Variants in ZMAT4 observed in about 807,000 individuals in gnomAD.
ZMAT4 encodes the protein zinc finger matrin-type 4.
A neutral mutation model predicts 28.7 loss-of-function variants in ZMAT4; 17 were observed. The observed-to-expected ratio is 0.59, with a 90% CI of 0.41 to 0.89. The LOEUF is 0.89. Ranked by LOEUF, ZMAT4 falls within the 40% of genes least tolerant of loss-of-function variation. ZMAT4 has a pLI of 0.00. For synonymous variants in ZMAT4, 117 were observed against 109.2 expected (o/e 1.07, Z -0.44); for missense variants, 240 against 283.8 (o/e 0.85, Z 1.11).
At chr8:40,848,387 AAGGATTCTACCAAC>A (rs1816983530) in intron 1 of ZMAT4, among the ~76,000 whole-genome samples, 1 of 152,194 alleles carries the variant, frequency 6.6e-6, no homozygotes, top group Non-Finnish European at 1.5e-5. Context: ...TGTTTGAATT[AAGGATTCTACCAAC>A]ACCATCACTG....
At chr8:40,560,316 A>ATTT (rs1447626265) in intron 6 of ZMAT4, among the ~76,000 whole-genome samples, 1 of 151,996 alleles carries the variant, frequency 6.6e-6, no homozygotes, top group Non-Finnish European at 1.5e-5. Flanking sequence ...TCTATTTTCC[A>ATTT]TTAAAGCTCT....
intron 5 of ZMAT4, among the ~76,000 whole-genome samples, chr8:40,658,619 T>TACACACAC (rs3038825): frequency 0.027 from 3,877 of 145,430 alleles, 103 homozygotes; most frequent in African/African-American, 0.068. Flanking sequence ...GTTAGACACA[T>TACACACAC]ACACACACAC....
intron 1 of ZMAT4, among the ~76,000 whole-genome samples, chr8:40,867,034 T>C (rs1817696770): frequency 6.6e-6 from 1 of 152,182 alleles, no homozygotes; most frequent in Non-Finnish European, 1.5e-5. Flanking sequence ...AACTTCAAAA[T>C]GTATCCATCT....
At chr8:40,611,578 G>GATCC (rs1367182225) in intron 5 of ZMAT4, among the ~76,000 whole-genome samples, 3 of 152,180 alleles carry the variant, frequency 2.0e-5, no homozygotes, top group African/African-American at 7.2e-5. Context: ...CTGACCTGGT[G>GATCC]ATCCACCCAC....
chr8:40,865,927 G>A (rs933802493), intron 1 of ZMAT4, among the ~76,000 whole-genome samples: 1 of 152,194 alleles, frequency 6.6e-6, no homozygotes, highest in Non-Finnish European at 1.5e-5. Flanking sequence ...AAAGAAAAGA[G>A]AGCTACGATG....
chr8:40,777,189 T>C (rs928191151), intron 2 of ZMAT4, among the ~76,000 whole-genome samples: 8 of 152,178 alleles, frequency 5.3e-5, no homozygotes, highest in Non-Finnish European at 7.3e-5. Context: ...AAAAACAAGA[T>C]ATTACAAAAT....
At chr8:40,667,137 T>C (rs1335165687) in intron 5 of ZMAT4, among the ~76,000 whole-genome samples, 3 of 144,430 alleles carry the variant, frequency 2.1e-5, no homozygotes, top group Non-Finnish European at 4.5e-5. Flanking sequence ...CAATAATTTC[T>C]TTTTTTTTTA....
chr8:40,875,516 C>T (rs1288395308), intron 1 of ZMAT4, among the ~76,000 whole-genome samples: 1 of 152,178 alleles, frequency 6.6e-6, no homozygotes, highest in Non-Finnish European at 1.5e-5. Context: ...ACCATCTTGG[C>T]AACAAAAATA....
At chr8:40,539,050 C>G (rs979574669) in intron 6 of ZMAT4, among the ~76,000 whole-genome samples, 5 of 152,134 alleles carry the variant, frequency 3.3e-5, no homozygotes, top group African/African-American at 1.2e-4. Context: ...TCCCAAAGTG[C>G]TGGGATTACA....
chr8:40,791,281 G>A (rs560869115), intron 2 of ZMAT4, among the ~76,000 whole-genome samples: 27 of 152,306 alleles, frequency 1.8e-4, no homozygotes, highest in African/African-American at 6.3e-4. Flanking sequence ...GATGTGACCA[G>A]GTTCCAAAAT....
chr8:40,608,778 C>G (rs1805691812), intron 5 of ZMAT4, among the ~76,000 whole-genome samples: 1 of 152,182 alleles, frequency 6.6e-6, no homozygotes, highest in Non-Finnish European at 1.5e-5. Flanking sequence ...TCCTTTACCC[C>G]TATATTTCAC....
intron 1 of ZMAT4, among the ~76,000 whole-genome samples, chr8:40,893,993 G>A (rs1818783518): frequency 6.6e-6 from 1 of 152,228 alleles, no homozygotes; most frequent in Admixed American, 6.5e-5. Flanking sequence ...TAGTATGAAT[G>A]AGTAGATTTG....
chr8:40,575,372 G>C (rs1282321821), intron 6 of ZMAT4, among the ~76,000 whole-genome samples: 2 of 152,108 alleles, frequency 1.3e-5, no homozygotes, highest in Non-Finnish European at 2.9e-5. Flanking sequence ...CCTTGGGCTA[G>C]AGAAACAGCT....
intron 5 of ZMAT4, among the ~76,000 whole-genome samples, chr8:40,669,413 A>T (rs914886838): frequency 2.0e-5 from 3 of 151,900 alleles, no homozygotes; most frequent in Non-Finnish European, 4.4e-5. Flanking sequence ...ATAAATGATG[A>T]TGTATTTCAT....
chr8:40,831,474 C>T (rs773703834), intron 1 of ZMAT4, among the ~76,000 whole-genome samples: 18 of 152,148 alleles, frequency 1.2e-4, no homozygotes, highest in Admixed American at 2.0e-4. Flanking sequence ...CTCACCGTGG[C>T]AGTCCCCAGG....
At chr8:40,658,197 C>T (rs1808014395) in intron 5 of ZMAT4, among the ~76,000 whole-genome samples, 1 of 152,040 alleles carries the variant, frequency 6.6e-6, no homozygotes, top group Non-Finnish European at 1.5e-5. Flanking sequence ...ATAATAGCTA[C>T]TTTTAAATCC....
At chr8:40,852,032 G>A (rs1817128132) in intron 1 of ZMAT4, among the ~76,000 whole-genome samples, 1 of 152,122 alleles carries the variant, frequency 6.6e-6, no homozygotes, top group Admixed American at 6.6e-5. Flanking sequence ...AAGTAGCTGG[G>A]ACTACAGGCG....
Position 40,697,087 on chromosome 8 carries a change from G to A in ZMAT4, c.349+158C>T, listed in dbSNP as rs533859849. 17 of 776,696 alleles carry A rather than the reference G, an allele frequency of 2.2e-5. No individual in the cohort carries two copies. In the East Asian group the frequency reaches 4.2e-4, roughly 19 times the overall value. 48.1% of individuals were successfully genotyped at this position (776,696 alleles called of 1,614,324 possible). A position where few individuals can be genotyped will look rare whatever the true frequency, so the allele number is the denominator to read the frequency against. Reference sequence around the variant, plus strand: ...GTATTTAGGGGTCTTAGGACAGCCAGGTCTGCTGAGGTCAGCCACTCATCC... The same window carrying A: ...GTATTTAGGGGTCTTAGGACAGCCAAGTCTGCTGAGGTCAGCCACTCATCC... On this transcript the variant is annotated intron_variant, in intron 4 of 6. Coordinates refer to ENST00000297737, the MANE Select transcript of ZMAT4 (RefSeq NM_024645.3).
chr8:40,816,725 A>C (rs1364470966), intron 2 of ZMAT4, among the ~76,000 whole-genome samples: 5 of 152,188 alleles, frequency 3.3e-5, no homozygotes, highest in Admixed American at 2.6e-4. Flanking sequence ...GATGAAGAAT[A>C]CTTTGATATA....
Sources: allele counts gnomAD v4.1 joint callset (sites outside exome capture counted in the v4.1 genomes callset), GRCh38; gene constraint gnomAD v4.1.1; transcripts MANE v1.5; gene names NCBI Gene and HGNC (gene_info 2026-07-23, HGNC 2026-07-21).